The following PTTG1IP variants were observed in gnomAD, a reference collection of about 807,000 sequenced individuals.
The protein encoded by PTTG1IP is PTTG1 interacting protein.
In PTTG1IP, 16 loss-of-function variants were observed where a neutral mutation model predicts 24.4. That is an observed-to-expected ratio of 0.66 (90% CI 0.44 to 1.00). The LOEUF (loss-of-function observed/expected upper bound fraction) is 1.00. PTTG1IP is among the 50% of genes least tolerant of loss of function. PTTG1IP has a pLI of 0.00. For synonymous variants in PTTG1IP, 89 were observed against 96.8 expected, an observed-to-expected ratio of 0.92 and a Z score of 0.47; for missense variants, 241 against 245.8, an observed-to-expected ratio of 0.98 and a Z score of 0.13.
intron 2 of PTTG1IP, among the ~76,000 whole-genome samples, chr21:44,864,100 G>A (rs1422744633): frequency 1.3e-5 from 2 of 152,250 alleles, no homozygotes; most frequent in African/African-American, 4.8e-5. Flanking sequence ...GGAAGCCTCT[G>A]GCCCTGCAGT....
chr21:44,865,484 G>C lies in PTTG1IP; in HGVS notation c.116-37C>G, dbSNP rs952383172. On this transcript the variant is annotated intron_variant, in intron 1 of 5. Transcript: ENST00000330938. ...AGGCAAGAGACAAGTCAGTCACTGA[G>C]AATCAGGCAGTGTAAATATTAGTCC... 3 of 1,607,074 alleles carry C rather than the reference G, an allele frequency of 1.9e-6. No homozygotes were observed. In the African/African-American group the frequency reaches 4.0e-5, roughly 21 times the overall value.
intron 2 of PTTG1IP, among the ~76,000 whole-genome samples, chr21:44,864,861 C>T (rs779035045): frequency 8.5e-5 from 13 of 152,226 alleles, no homozygotes; most frequent in African/African-American, 2.2e-4. Flanking sequence ...TGCTCCAGAC[C>T]GCTACCCTCT....
chr21:44,865,361 C>G (rs778032679), intron 2 of PTTG1IP, 34 bp downstream of exon 2: 5 of 1,606,776 alleles, frequency 3.1e-6, no homozygotes, highest in Middle Eastern at 1.7e-4. Flanking sequence ...ACGGTCTGGA[C>G]GGCACTCTGG....
chr21:44,871,810 C>T (rs984868047), intron 1 of PTTG1IP, among the ~76,000 whole-genome samples: 9 of 152,194 alleles, frequency 5.9e-5, no homozygotes, highest in African/African-American at 2.2e-4. Flanking sequence ...CACCATTCTT[C>T]CTATTCCAAG....
In PTTG1IP at chr21:44,873,554, C is replaced by G. The variant is rs916002874; in HGVS notation, c.63G>C (p.Ala21=). 9.5e-6 allele frequency: 14 copies of G among 1,472,254 alleles called. No individual in the cohort carries two copies. In the Admixed American group the frequency reaches 3.3e-4, roughly 35 times the overall value. 91.2% of individuals were successfully genotyped at this position (1,472,254 alleles called of 1,614,324 possible). ...PYWRLRLGGA[A]LLLLLIPVAA... is the part of the protein sequence containing the mutation. ...CCACCGGGATGAGCAGCAGGAGCAG[C>G]GCGGCGCCACCGAGGCGCAACCTCC... The change falls in exon 1 of 6, where the codon GCG becomes GCC. Residue 21 remains alanine (A), a synonymous_variant. Coordinates refer to ENST00000330938, the MANE Select transcript of PTTG1IP (RefSeq NM_004339.4).
chr21:44,864,866 C>T (rs1030933125), intron 2 of PTTG1IP, among the ~76,000 whole-genome samples: 4 of 152,352 alleles, frequency 2.6e-5, no homozygotes, highest in South Asian at 2.1e-4. Flanking sequence ...CAGACCGCTA[C>T]CCTCTTGTTG....
In PTTG1IP at chr21:44,856,368, G is replaced by C; in HGVS notation, c.278-4C>G. 1 of 1,608,242 alleles carries C rather than the reference G, an allele frequency of 6.2e-7. No homozygotes were observed. The highest frequency in any genetic ancestry group is 8.5e-7 in the Non-Finnish European group (1 of 1,176,154). On this transcript the variant is annotated splice_polypyrimidine_tract_variant and splice_region_variant and intron_variant, in intron 3 of 5. Transcript: ENST00000330938. ...ATGATCAGCGCCTCAAAGTTCACTG[G>C]AGATTCAAGCACCTGGAGTTAGGGC...
At chr21:44,860,145 G>C (rs908638012) in intron 3 of PTTG1IP, among the ~76,000 whole-genome samples, 3 of 152,206 alleles carry the variant, frequency 2.0e-5, no homozygotes, top group Non-Finnish European at 4.4e-5. Flanking sequence ...GAGGTGGGCA[G>C]ATCATGAGGT....
chr21:44,854,875 A>T (rs1039422256), intron 5 of PTTG1IP, among the ~76,000 whole-genome samples: 2 of 152,122 alleles, frequency 1.3e-5, no homozygotes, highest in African/African-American at 4.8e-5. Context: ...AACTCACAGC[A>T]CCTCGGCTAC....
chr21:44,869,414 T>G (rs138803976), intron 1 of PTTG1IP, among the ~76,000 whole-genome samples: 2,427 of 152,272 alleles, frequency 0.016, 63 homozygotes, highest in African/African-American at 0.051. Flanking sequence ...CTCAAATGGT[T>G]TGGTCAAAAT....
chr21:44,873,595 C>G lies in PTTG1IP; in HGVS notation c.22G>C (p.Gly8Arg), dbSNP rs908742208. The G allele has an allele frequency of 1.7e-5, 25 of 1,452,984 alleles. No individual in the cohort carries two copies. In the African/African-American group the frequency reaches 2.4e-4, roughly 14 times the overall value. 90.0% of individuals were successfully genotyped at this position (1,452,984 alleles called of 1,614,324 possible). MAPGVAR[G>R]PTPYWRLRLG... ...CGCAACCTCCAGTACGGCGTCGGCC[C>G]GCGGGCCACTCCGGGCGCCATGGTC... The change falls in exon 1 of 6, where the codon GGG becomes CGG. Residue 8 changes from glycine to arginine, a missense_variant. Physicochemically the swap from Gly to Arg is moderately radical, Grantham distance 125. Transcript: ENST00000330938.
intron 5 of PTTG1IP, among the ~76,000 whole-genome samples, chr21:44,853,720 C>A (rs1301867431): frequency 6.7e-6 from 1 of 149,372 alleles, no homozygotes; most frequent in African/African-American, 2.5e-5. Flanking sequence ...CAGACACACA[C>A]CGGGAAACAA....
intron 2 of PTTG1IP, chr21:44,861,975 C>T (rs983981705): frequency 3.1e-5 from 20 of 646,414 alleles, no homozygotes; most frequent in Non-Finnish European, 5.1e-5. Flanking sequence ...CGGCTCAGCC[C>T]GCCCTAAACT....
At chr21:44,859,907 T>C (rs1005136382) in intron 3 of PTTG1IP, among the ~76,000 whole-genome samples, 1 of 152,152 alleles carries the variant, frequency 6.6e-6, no homozygotes, top group Non-Finnish European at 1.5e-5. Flanking sequence ...GGATCCAAGA[T>C]GCAAATAAAC....
chr21:44,857,507 A>AGCC (rs2083458298), intron 3 of PTTG1IP, among the ~76,000 whole-genome samples: 1 of 152,224 alleles, frequency 6.6e-6, no homozygotes, highest in African/African-American at 2.4e-5. Flanking sequence ...AAAAACACCC[A>AGCC]GCCAGCCTCC....
At chr21:44,862,815 G>A (rs1432099888) in intron 2 of PTTG1IP, among the ~76,000 whole-genome samples, 2 of 152,170 alleles carry the variant, frequency 1.3e-5, no homozygotes, top group Non-Finnish European at 2.9e-5. Flanking sequence ...GTTAAACCCT[G>A]TTTATTCTGG....
chr21:44,872,600 G>A (rs1423402333), intron 1 of PTTG1IP, among the ~76,000 whole-genome samples: 1 of 152,160 alleles, frequency 6.6e-6, no homozygotes, highest in African/African-American at 2.4e-5. Flanking sequence ...CTTAGAACCT[G>A]CTGGATTTTC....
At chr21:44,873,233 G>T (rs577523215) in intron 1 of PTTG1IP, among the ~76,000 whole-genome samples, 2 of 152,368 alleles carry the variant, frequency 1.3e-5, no homozygotes, top group African/African-American at 4.8e-5. Context: ...CCGAGGCCAC[G>T]CGCGAGGAGC....
chr21:44,868,192 T>C (rs2083557780), intron 1 of PTTG1IP, among the ~76,000 whole-genome samples: 1 of 152,220 alleles, frequency 6.6e-6, no homozygotes, highest in African/African-American at 2.4e-5. Context: ...GAAACTTTGA[T>C]AAGAACAGCA....
Sources: allele counts gnomAD v4.1 joint callset (sites outside exome capture counted in the v4.1 genomes callset), GRCh38; gene constraint gnomAD v4.1.1; transcripts MANE v1.5; gene names NCBI Gene and HGNC (gene_info 2026-07-23, HGNC 2026-07-21).